MTMR3: variants seen among roughly 807,000 people sequenced by gnomAD.
MTMR3 encodes the protein phosphatidylinositol-3,5-bisphosphate 3-phosphatase MTMR3.
In MTMR3, 32 loss-of-function variants were observed where a neutral mutation model predicts 132.4. That is an observed-to-expected ratio of 0.24 (90% CI 0.18 to 0.32). The LOEUF (loss-of-function observed/expected upper bound fraction) is 0.32, where lower values mean the gene tolerates loss of function less well. Ranked by LOEUF, MTMR3 falls within the 10% of genes least tolerant of loss-of-function variation. MTMR3 has a pLI of 1.00. For synonymous variants in MTMR3, 556 were observed against 550.3 expected, an observed-to-expected ratio of 1.01 and a Z score of -0.14; for missense variants, 1,216 against 1,489.6, an observed-to-expected ratio of 0.82 and a Z score of 3.02.
chr22:29,910,183 G>A (rs866777618), intron 1 of MTMR3, among the ~76,000 whole-genome samples: 4 of 151,860 alleles, frequency 2.6e-5, no homozygotes, highest in South Asian at 4.1e-4. Flanking sequence ...AAAGAAAGTG[G>A]GCCCTTTTCT....
chr22:29,900,978 C>T (rs1000677543), intron 1 of MTMR3, among the ~76,000 whole-genome samples: 2 of 152,294 alleles, frequency 1.3e-5, no homozygotes, highest in East Asian at 1.9e-4. Flanking sequence ...TGAGCCACTG[C>T]GTCCGGCCTA....
chr22:30,023,873 C>CTT (rs34667478), intron 19 of MTMR3: 2,868 of 177,344 alleles, frequency 0.016, 108 homozygotes, highest in African/African-American at 0.069. Flanking sequence ...TCTTTTTTCC[C>CTT]TTTTTTTTTT....
At chr22:29,972,687 C>T (rs539863347) in intron 3 of MTMR3, among the ~76,000 whole-genome samples, 2 of 152,266 alleles carry the variant, frequency 1.3e-5, no homozygotes, top group African/African-American at 2.4e-5. Flanking sequence ...TCTTGTGCCT[C>T]GGCCTCTCAA....
chr22:29,978,570 A>C lies in MTMR3; in HGVS notation c.93+39A>C, dbSNP rs759546124. 9 of 1,496,530 alleles carry C rather than the reference A, an allele frequency of 6.0e-6. 1 individual carries two copies. In the South Asian group the frequency reaches 1.0e-4, roughly 17 times the overall value. 92.7% of individuals were successfully genotyped at this position (1,496,530 alleles called of 1,614,324 possible). On this transcript the variant is annotated intron_variant, in intron 4 of 19. Coordinates refer to ENST00000401950, the MANE Select transcript of MTMR3 (RefSeq NM_021090.4). ...ACTTTTAAATGTAAAATATTTATTT[A>C]GCATTAACTGTATAGCAGAGTTAAT...
chr22:29,928,271 T>C (rs1398525505), intron 1 of MTMR3, among the ~76,000 whole-genome samples: 3 of 150,124 alleles, frequency 2.0e-5, no homozygotes, highest in African/African-American at 7.4e-5. Context: ...GCCTCCTGGG[T>C]AGTGATTCTC....
At chr22:29,927,202 A>G (rs1046618284) in intron 1 of MTMR3, among the ~76,000 whole-genome samples, 13 of 152,342 alleles carry the variant, frequency 8.5e-5, no homozygotes, top group East Asian at 1.9e-4. Context: ...TTTAAATTCT[A>G]TTCCATTGAT....
At chr22:29,974,098 T>C (rs938740137) in intron 3 of MTMR3, among the ~76,000 whole-genome samples, 2 of 152,208 alleles carry the variant, frequency 1.3e-5, no homozygotes. Context: ...GATGCCACAA[T>C]GCCTGGTGTT....
intron 1 of MTMR3, among the ~76,000 whole-genome samples, chr22:29,955,470 C>T (rs1304548376): frequency 6.6e-6 from 1 of 152,110 alleles, no homozygotes; most frequent in Admixed American, 6.6e-5. Flanking sequence ...GTATTTAATA[C>T]TTAGTTAAGC....
intron 1 of MTMR3, among the ~76,000 whole-genome samples, chr22:29,913,899 A>G (rs1005880951): frequency 1.3e-5 from 2 of 152,014 alleles, no homozygotes; most frequent in African/African-American, 4.8e-5. Context: ...CTACAGGCTC[A>G]TGCCACCGCA....
At chr22:29,945,238 CCA>C (rs1453485541) in intron 1 of MTMR3, among the ~76,000 whole-genome samples, 3 of 152,108 alleles carry the variant, frequency 2.0e-5, no homozygotes, top group African/African-American at 7.2e-5. Flanking sequence ...CTCCTAGGCT[CCA>C]GCAGTTCTCC....
At chr22:29,951,254 G>A (rs1046120483) in intron 1 of MTMR3, among the ~76,000 whole-genome samples, 7 of 152,074 alleles carry the variant, frequency 4.6e-5, no homozygotes, top group Non-Finnish European at 1.0e-4. Flanking sequence ...AATTTTTACC[G>A]TTTTTAGCAG....
intron 1 of MTMR3, among the ~76,000 whole-genome samples, chr22:29,920,530 A>T (rs2065390465): frequency 6.6e-6 from 1 of 152,180 alleles, no homozygotes; most frequent in African/African-American, 2.4e-5. Context: ...ATGTTATGTT[A>T]TATTTGTTTG....
At chr22:29,910,518 G>A (rs183219335) in intron 1 of MTMR3, among the ~76,000 whole-genome samples, 2 of 152,210 alleles carry the variant, frequency 1.3e-5, no homozygotes, top group African/African-American at 4.8e-5. Context: ...ATTTCTTCAG[G>A]GAGAGTTAGC....
chr22:29,944,067 C>T (rs566656145), intron 1 of MTMR3, among the ~76,000 whole-genome samples: 1 of 151,924 alleles, frequency 6.6e-6, no homozygotes, highest in South Asian at 2.1e-4. Context: ...GATCCTCCCG[C>T]CTTGGCATCC....
chr22:29,891,964 C>T (rs113837388), intron 1 of MTMR3, among the ~76,000 whole-genome samples: 2,507 of 151,996 alleles, frequency 0.016, 67 homozygotes, highest in African/African-American at 0.058. Context: ...ACCATCCTGG[C>T]TAACACCGTG....
chr22:30,021,921 G>A (rs1463658730), intron 17 of MTMR3, 108 bp from the exon 18 acceptor site: 1 of 810,944 alleles, frequency 1.2e-6, no homozygotes, highest in Non-Finnish European at 2.1e-6. Context: ...GGCAGTCCTA[G>A]CACTCGGCCC....
At chr22:29,991,085 G>GT (rs796341293) in intron 6 of MTMR3, 44 of 151,768 alleles carry the variant, frequency 2.9e-4, no homozygotes, top group Admixed American at 4.6e-4. Flanking sequence ...AAATAATGCT[G>GT]TTTTTTTTTA....
intron 1 of MTMR3, among the ~76,000 whole-genome samples, chr22:29,891,514 C>T (rs1244653566): frequency 1.3e-5 from 2 of 151,952 alleles, no homozygotes; most frequent in Admixed American, 1.3e-4. Flanking sequence ...TCACTGCAAC[C>T]TCTGCCTCCT....
chr22:29,975,430 A>G (rs1218881949), intron 3 of MTMR3, among the ~76,000 whole-genome samples: 15 of 152,212 alleles, frequency 9.9e-5, no homozygotes, highest in Admixed American at 7.9e-4. Flanking sequence ...GTAAATTCTC[A>G]TATCTACTTC....
Sources: gnomAD v4.1 joint callset for allele counts (sites outside exome capture counted in the v4.1 genomes callset) on GRCh38, gnomAD v4.1.1 for gene constraint, MANE v1.5 for transcripts, NCBI Gene and HGNC (gene_info 2026-07-23, HGNC 2026-07-21) for gene names.